Variants in WASL observed in about 807,000 individuals in gnomAD.
The protein encoded by WASL is WASP like actin nucleation promoting factor.
Under a neutral mutation model 55.5 loss-of-function variants are expected in WASL, and 20 were observed. That is an observed-to-expected ratio of 0.36 (90% CI 0.25 to 0.52). The LOEUF is 0.52. Ranked by LOEUF, WASL falls within the 20% of genes least tolerant of loss-of-function variation. The pLI is 0.92. For missense variants in WASL, 504 were observed against 622.5 expected, an observed-to-expected ratio of 0.81 and a Z score of 2.03; for synonymous variants, 249 against 217.6, an observed-to-expected ratio of 1.14 and a Z score of -1.27.
rs1203805073 is a variant in WASL at position 123,706,821 on chromosome 7, C to A, written c.258G>T (p.Gly86=). ...ATAGCTCTTGTTCCCACAATAGTTT[C>A]CCATCCTAGAAAAAAGTTAAAAATT... ...YFLRIFDIKD[G]KLLWEQELYN... is the part of the protein sequence containing the mutation. Residue 86 remains glycine, a synonymous_variant, in exon 3 of 11, where the codon GGG becomes GGT. Coordinates refer to ENST00000223023, the MANE Select transcript of WASL (RefSeq NM_003941.4). 1.9e-6 allele frequency: 3 copies of A among 1,539,018 alleles called. No individual in the cohort carries two copies. The East Asian group carries it at 7.2e-5, about 37-fold the overall frequency.
chr7:123,714,055 AAAAGT>A (rs1424675350), intron 1 of WASL, among the ~76,000 whole-genome samples: 5 of 152,356 alleles, frequency 3.3e-5, no homozygotes, highest in African/African-American at 7.2e-5. Context: ...AAAGTAGTAT[AAAAGT>A]AAAGAAATGC....
At position 123,709,734 on chromosome 7, in the gene WASL, T is replaced by A. The variant is rs181339562; in HGVS notation, c.118-511A>T. The stretch of plus-strand genomic sequence containing the variant: ...AGTAGCATTAGTAATGGCTGACTTG[T>A]ATAAAGCAGTTAAGCACTTATCTAG... On this transcript the variant is annotated intron_variant, in intron 1 of 10. Coordinates refer to ENST00000223023, the MANE Select transcript of WASL (RefSeq NM_003941.4). Among the ~76,000 whole-genome samples, 25 of 152,302 alleles carry A rather than the reference T, an allele frequency of 1.6e-4. No individual in the cohort carries two copies. In the East Asian group the frequency reaches 4.8e-3, roughly 29 times the overall value.
chr7:123,723,919 AT>A lies in WASL; in HGVS notation c.118-14697del, dbSNP rs139088631. ...TTAGCTAACAATACACTTCTAAAAGATTGTGTATATTCTCATATCTCTGAAA... is the reference window on the plus strand; with the variant it reads ...TTAGCTAACAATACACTTCTAAAAGATGTGTATATTCTCATATCTCTGAAA... On this transcript the variant is annotated intron_variant, in intron 1 of 10. Coordinates refer to ENST00000223023, the MANE Select transcript of WASL (RefSeq NM_003941.4). 7.2e-5 allele frequency among the ~76,000 whole-genome samples: 11 copies of A among 152,342 alleles called. No individual in the cohort carries two copies. The East Asian group carries it at 1.7e-3, about 24-fold the overall frequency.
intron 1 of WASL, among the ~76,000 whole-genome samples, chr7:123,719,299 G>C (rs1208317918): frequency 6.6e-6 from 1 of 152,168 alleles, no homozygotes; most frequent in African/African-American, 2.4e-5. Context: ...GACTGTCTTA[G>C]AAGTCATTAA....
intron 1 of WASL, 103 bp from the exon 2 acceptor site, chr7:123,709,326 A>G: frequency 1.1e-6 from 1 of 896,150 alleles, no homozygotes; most frequent in Non-Finnish European, 1.6e-6. Context: ...AGCTGCTCCT[A>G]AATTCCTGAT....
rs556742299 is a variant in WASL, at chr7:123,683,700, T to G, written c.*819A>C. 2 of 152,060 alleles carry G rather than the reference T, an allele frequency of 1.3e-5. No individual in the cohort carries two copies. The highest frequency in any genetic ancestry group is 2.9e-5 in the Non-Finnish European group (2 of 67,948). The allele number at this position is 152,060 out of a possible 1,614,324, so 9.4% of individuals were successfully genotyped here. A position where few individuals can be genotyped will look rare whatever the true frequency, so the allele number is the denominator to read the frequency against. On this transcript the variant is annotated 3_prime_UTR_variant, in exon 11 of 11. Transcript: ENST00000223023. Reference sequence around the variant, plus strand: ...TACCATAATATTACCTCAGTTCATGTAGAATGAAAACTACTCCCTAAATCC... The same window carrying G: ...TACCATAATATTACCTCAGTTCATGGAGAATGAAAACTACTCCCTAAATCC...
intron 8 of WASL, 118 bp downstream of exon 8, chr7:123,694,597 A>T: frequency 9.6e-7 from 1 of 1,046,050 alleles, no homozygotes; most frequent in Non-Finnish European, 1.4e-6. Flanking sequence ...TTAGTTGTCC[A>T]TAGACTTCAA....
intron 1 of WASL, among the ~76,000 whole-genome samples, chr7:123,726,005 T>C (rs2116809983): frequency 6.6e-6 from 1 of 152,338 alleles, no homozygotes; most frequent in African/African-American, 2.4e-5. Context: ...TACCTAGAGA[T>C]CTAAAGCATA....
At chr7:123,716,798 G>C (rs950184275) in intron 1 of WASL, among the ~76,000 whole-genome samples, 1 of 152,230 alleles carries the variant, frequency 6.6e-6, no homozygotes, top group South Asian at 2.1e-4. Context: ...TGGGATGTGG[G>C]TATTCCTGAA....
At chr7:123,741,385 C>T (rs1470361961) in intron 1 of WASL, among the ~76,000 whole-genome samples, 2 of 152,086 alleles carry the variant, frequency 1.3e-5, no homozygotes, top group Non-Finnish European at 2.9e-5. Flanking sequence ...TGTTGTTTCA[C>T]CTAAAGTCAC....
At chr7:123,737,287 A>G (rs1804250273) in intron 1 of WASL, among the ~76,000 whole-genome samples, 2 of 152,158 alleles carry the variant, frequency 1.3e-5, no homozygotes, top group African/African-American at 4.8e-5. Flanking sequence ...TACTCCTTGT[A>G]ATTTAGTAAA....
chr7:123,700,203 A>AAAAAAC (rs1562959037), intron 5 of WASL, among the ~76,000 whole-genome samples: 2 of 71,910 alleles, frequency 2.8e-5, no homozygotes, highest in African/African-American at 1.0e-4. Flanking sequence ...AAAAAAAAAA[A>AAAAAAC]AAAACAACAT....
rs548787197 is a variant in WASL at position 123,748,261 on chromosome 7, C to G, written c.117+357G>C. 5.3e-5 allele frequency among the ~76,000 whole-genome samples: 8 copies of G among 152,204 alleles called. No individual in the cohort carries two copies. The South Asian group carries it at 1.2e-3, about 24-fold the overall frequency. On this transcript the variant is annotated intron_variant, in intron 1 of 10. Transcript: ENST00000223023. The stretch of plus-strand genomic sequence containing the variant: ...GTAAGAGGTGAAGCGAGAGCTAGAA[C>G]AAGGGCCCAGATTCTAGGACCAAGC...
At chr7:123,686,198 T>A (rs900725275) in intron 10 of WASL, among the ~76,000 whole-genome samples, 2 of 151,730 alleles carry the variant, frequency 1.3e-5, no homozygotes, top group African/African-American at 2.4e-5. Context: ...GATAATTATT[T>A]ATTATTTATT....
At chr7:123,693,044 G>A (rs1348386757) in intron 8 of WASL, among the ~76,000 whole-genome samples, 177 bp from the exon 9 acceptor site, 1 of 151,714 alleles carries the variant, frequency 6.6e-6, no homozygotes, top group African/African-American at 2.4e-5. Context: ...TTTTTTTTGA[G>A]AATTGTCAGC....
At chr7:123,699,286 G>A (rs1410895293) in intron 5 of WASL, among the ~76,000 whole-genome samples, 1 of 152,140 alleles carries the variant, frequency 6.6e-6, no homozygotes, top group Non-Finnish European at 1.5e-5. Flanking sequence ...GCTGAGGCAG[G>A]AGAATCACTT....
intron 1 of WASL, among the ~76,000 whole-genome samples, chr7:123,709,970 G>A (rs989487321): frequency 2.0e-5 from 3 of 152,126 alleles, no homozygotes; most frequent in East Asian, 3.8e-4. Flanking sequence ...CAGATGTATA[G>A]GAGGGAAGCT....
intron 1 of WASL, among the ~76,000 whole-genome samples, chr7:123,717,690 G>C (rs1803868794): frequency 6.6e-6 from 1 of 152,232 alleles, no homozygotes; most frequent in Middle Eastern, 3.2e-3. Flanking sequence ...TTACAGATGT[G>C]CTATTACATT....
intron 1 of WASL, among the ~76,000 whole-genome samples, chr7:123,713,527 C>A (rs1026537630): frequency 6.6e-6 from 1 of 152,206 alleles, no homozygotes; most frequent in African/African-American, 2.4e-5. Context: ...AAAATAAAGT[C>A]TTTTCTATGA....
Sources: gnomAD v4.1 joint callset for allele counts (sites outside exome capture counted in the v4.1 genomes callset) on GRCh38, gnomAD v4.1.1 for gene constraint, MANE v1.5 for transcripts, NCBI Gene and HGNC (gene_info 2026-07-23, HGNC 2026-07-21) for gene names.